The following PIWIL2 variants were observed in gnomAD, a reference collection of about 807,000 sequenced individuals.
The protein encoded by PIWIL2 is piwi like RNA-mediated gene silencing 2.
A neutral mutation model predicts 116.5 loss-of-function variants in PIWIL2; 81 were observed. The ratio of observed to expected loss-of-function variants is 0.70; its 90% confidence interval spans 0.58 to 0.84. The LOEUF (loss-of-function observed/expected upper bound fraction) is 0.84. Ranked by LOEUF, PIWIL2 falls within the 40% of genes least tolerant of loss-of-function variation. The probability of loss-of-function intolerance (pLI) is 0.00; values close to 1 mark genes in which losing one functional copy is unlikely to be tolerated. For missense variants in PIWIL2, 1,272 were observed against 1,212.3 expected, an observed-to-expected ratio of 1.05 and a Z score of -0.73; for synonymous variants, 489 against 429.5, an observed-to-expected ratio of 1.14 and a Z score of -1.71.
intron 20 of PIWIL2, chr8:22,322,052 T>C: frequency 4.3e-6 from 4 of 925,440 alleles, no homozygotes; most frequent in Non-Finnish European, 5.2e-6. Flanking sequence ...CTTTTTATTT[T>C]GGAATAAAAG....
intron 20 of PIWIL2, among the ~76,000 whole-genome samples, chr8:22,350,972 C>G (rs1266964028): frequency 1.3e-5 from 2 of 152,104 alleles, no homozygotes; most frequent in Non-Finnish European, 2.9e-5. Context: ...AAAACCCCAT[C>G]TCTACTAAGA....
At chr8:22,326,226 T>A (rs1022064586) in intron 20 of PIWIL2, among the ~76,000 whole-genome samples, 3 of 150,882 alleles carry the variant, frequency 2.0e-5, no homozygotes, top group African/African-American at 4.9e-5. Context: ...AAAAAAAAAA[T>A]TGAGGTGAAA....
intron 20 of PIWIL2, among the ~76,000 whole-genome samples, chr8:22,329,324 G>A (rs1466665433): frequency 6.6e-6 from 1 of 152,166 alleles, no homozygotes; most frequent in African/African-American, 2.4e-5. Flanking sequence ...AAGAAAAGAG[G>A]TTTAATTGGC....
chr8:22,305,851 C>T (rs1366616595), intron 12 of PIWIL2, 76 bp from the exon 13 acceptor site: 1 of 1,020,570 alleles, frequency 9.8e-7, no homozygotes, highest in Non-Finnish European at 1.6e-6. Context: ...CAGCCCTGGC[C>T]ATGACATGTC....
At position 22,318,153 on chromosome 8, in the gene PIWIL2, G is replaced by C; in HGVS notation, c.2298-17G>C. The C allele has an allele frequency of 6.6e-7, 1 of 1,516,176 alleles. No individual in the cohort carries two copies. Among genetic ancestry groups the C allele is most frequent in the Non-Finnish European group, 9.2e-7 (1 of 1,092,832 alleles). 93.9% of individuals were successfully genotyped at this position (1,516,176 alleles called of 1,614,324 possible). A position where few individuals can be genotyped will look rare whatever the true frequency, so the allele number is the denominator to read the frequency against. On this transcript the variant is annotated splice_polypyrimidine_tract_variant and intron_variant, in intron 19 of 22. Coordinates refer to ENST00000356766, the MANE Select transcript of PIWIL2 (RefSeq NM_018068.5). ...TTCATCTTCCTTTCTCTGTCTCTCT[G>C]CTCACCCTGACCCTAGCACCCTCAC...
chr8:22,347,026 C>T (rs1832242751), intron 20 of PIWIL2, among the ~76,000 whole-genome samples: 1 of 151,894 alleles, frequency 6.6e-6, no homozygotes, highest in South Asian at 2.1e-4. Flanking sequence ...TTTAAGTTAG[C>T]TGGGTATGGT....
At chr8:22,301,304 T>C (rs1405859372) in intron 10 of PIWIL2, among the ~76,000 whole-genome samples, 4 of 152,022 alleles carry the variant, frequency 2.6e-5, no homozygotes, top group Non-Finnish European at 5.9e-5. Context: ...TATTCTTTTA[T>C]TATTTATTTT....
At chr8:22,295,835 A>C (rs1830886207) in intron 10 of PIWIL2, among the ~76,000 whole-genome samples, 1 of 152,166 alleles carries the variant, frequency 6.6e-6, no homozygotes, top group African/African-American at 2.4e-5. Context: ...TAGTAAGTCA[A>C]CTAAGGTTTA....
At chr8:22,315,290 A>G (rs1831431336) in intron 18 of PIWIL2, 145 bp downstream of exon 18, 1 of 582,884 alleles carries the variant, frequency 1.7e-6, no homozygotes, top group African/African-American at 1.9e-5. Flanking sequence ...CCATTATCTA[A>G]GAATGGGTTT....
rs554646850 is a variant in PIWIL2, at chr8:22,340,830, G to A, written c.2404-12129G>A. The stretch of plus-strand genomic sequence containing the variant: ...AGGCTGAAGCAATTCTCCCACCTCC[G>A]CCTCCCAAGTAGCTGGGTCTACAGG... On this transcript the variant is annotated intron_variant, in intron 20 of 22. Transcript: ENST00000356766. Among the ~76,000 whole-genome samples the A allele has an allele frequency of 4.6e-5, 7 of 152,014 alleles. 1 individual carries two copies. Among genetic ancestry groups the A allele is most frequent in the African/African-American group, 1.7e-4 (7 of 41,482 alleles).
intron 13 of PIWIL2, 30 bp downstream of exon 13, chr8:22,306,046 G>A: frequency 1.3e-6 from 2 of 1,504,920 alleles, no homozygotes; most frequent in South Asian, 1.1e-5. Flanking sequence ...AGCCGGAAAT[G>A]CCCACTTTGT....
rs1170780921 is a variant in PIWIL2 at position 22,327,369 on chromosome 8, G to GTTT, written c.2403+9107_2403+9109dup. On this transcript the variant is annotated intron_variant, in intron 20 of 22. Transcript: ENST00000356766. ...TGTTTTTTGTGGGGTTTTTTGTTTC[G>GTTT]TTTTTTTTTTTTTTTGAGACGGAGT... Among the ~76,000 whole-genome samples the GTTT allele has an allele frequency of 3.2e-4, 38 of 117,576 alleles. 1 individual carries two copies. Among genetic ancestry groups the GTTT allele is most frequent in the African/African-American group, 1.2e-3 (38 of 31,966 alleles). The allele number at this position is 117,576 out of a possible 152,430, so 77.1% of individuals were successfully genotyped here. A position where few individuals can be genotyped will look rare whatever the true frequency, so the allele number is the denominator to read the frequency against.
At position 22,279,403 on chromosome 8, in the gene PIWIL2, C is replaced by G. The variant is rs146491681; in HGVS notation, c.17C>G (p.Pro6Arg). Residue 6 changes from proline (P) to arginine (R), a missense_variant, in exon 2 of 23, where the codon CCA becomes CGA. Pro to Arg is a moderately radical substitution (Grantham distance 103, BLOSUM62 -2). Coordinates refer to ENST00000356766, the MANE Select transcript of PIWIL2 (RefSeq NM_018068.5). MDPFR[P>R]SFRGQSPIHP... ...AGCCCGTCCATGGATCCTTTCCGAC[C>G]ATCGTTCAGGGGCCAGTCTCCTATC... 6.2e-6 allele frequency: 10 copies of G among 1,613,970 alleles called. No individual in the cohort carries two copies. The African/African-American group carries it at 1.2e-4, about 19-fold the overall frequency.
chr8:22,322,722 G>C (rs1831630811), intron 20 of PIWIL2, among the ~76,000 whole-genome samples: 1 of 151,858 alleles, frequency 6.6e-6, no homozygotes, highest in South Asian at 2.1e-4. Context: ...TGTATTTTTA[G>C]TAGACACGGG....
intron 12 of PIWIL2, among the ~76,000 whole-genome samples, chr8:22,305,724 A>T (rs921373782): frequency 6.6e-6 from 1 of 152,006 alleles, no homozygotes; most frequent in African/African-American, 2.4e-5. Context: ...TTGACCTAAT[A>T]CAACAGGCTG....
At chr8:22,308,602 A>C (rs564448309) in intron 14 of PIWIL2, among the ~76,000 whole-genome samples, 1 of 152,098 alleles carries the variant, frequency 6.6e-6, no homozygotes, top group Non-Finnish European at 1.5e-5. Context: ...GCAGTGAGCC[A>C]AGATGGGGCC....
Position 22,355,630 on chromosome 8 carries a change from T to C in PIWIL2, c.*125T>C. 1 of 785,462 alleles carries C rather than the reference T, an allele frequency of 1.3e-6. No homozygotes were observed. The highest frequency in any genetic ancestry group is 1.7e-5 in the African/African-American group (1 of 57,458). The allele number at this position is 785,462 out of a possible 1,614,324, so 48.7% of individuals were successfully genotyped here. ...ATAATTTTCCCTTTCTCCAACCCTG[T>C]AGAATAAGATTTCTTTCTTGTCTTT... On this transcript the variant is annotated 3_prime_UTR_variant, in exon 23 of 23. Transcript: ENST00000356766.
intron 10 of PIWIL2, among the ~76,000 whole-genome samples, chr8:22,296,744 C>T (rs1830916527): frequency 6.6e-6 from 1 of 152,138 alleles, no homozygotes; most frequent in South Asian, 2.1e-4. Flanking sequence ...TTACTGTTGT[C>T]TTCTGAAATT....
chr8:22,326,256 C>T (rs1357056571), intron 20 of PIWIL2, among the ~76,000 whole-genome samples: 2 of 151,818 alleles, frequency 1.3e-5, no homozygotes, highest in Non-Finnish European at 2.9e-5. Flanking sequence ...TTTAGTGGCT[C>T]GTGTCTGTAA....
Sources: allele counts gnomAD v4.1 joint callset (sites outside exome capture counted in the v4.1 genomes callset), GRCh38; gene constraint gnomAD v4.1.1; transcripts MANE v1.5; gene names NCBI Gene and HGNC (gene_info 2026-07-23, HGNC 2026-07-21).